The following TRAPPC3 variants were observed in gnomAD, a reference collection of about 807,000 sequenced individuals.
The protein encoded by TRAPPC3 is trafficking protein particle complex subunit 3.
Under a neutral mutation model 18.2 loss-of-function variants are expected in TRAPPC3, and 5 were observed. The ratio of observed to expected loss-of-function variants is 0.28; its 90% CI spans 0.14 to 0.58. TRAPPC3 has a LOEUF of 0.58. Ranked by LOEUF, TRAPPC3 falls within the 20% of genes least tolerant of loss-of-function variation. The probability of loss-of-function intolerance (pLI) is 0.91; values close to 1 mark genes in which losing one functional copy is unlikely to be tolerated. For missense variants in TRAPPC3, 176 were observed against 225.9 expected (o/e 0.78, Z 1.41); for synonymous variants, 65 against 84.2 (o/e 0.77, Z 1.25).
At chr1:36,137,579 TG>T in intron 4 of TRAPPC3, 1 of 642,354 alleles carries the variant, frequency 1.6e-6, no homozygotes, top group Non-Finnish European at 2.6e-6. Flanking sequence ...TCCTGGGCTT[TG>T]GGGACTGACA....
chr1:36,144,413 G>A (rs569608012), intron 1 of TRAPPC3, among the ~76,000 whole-genome samples: 2 of 152,098 alleles, frequency 1.3e-5, no homozygotes, highest in African/African-American at 2.4e-5. Flanking sequence ...GGGAGGCGGA[G>A]GCAGGGGTCG....
rs1386884681 is a variant in TRAPPC3 at position 36,140,136 on chromosome 1, C to A, written c.73G>T (p.Ala25Ser). ...TCCTTACATAGCTGGGTGACCAGGG[C>A]ACCATAGGTCAGGGTGAAGAGCTCA... ...SSELFTLTYGALVTQLCKDYE... is the reference protein window; with the variant it reads ...SSELFTLTYGSLVTQLCKDYE... Residue 25 changes from alanine (A) to serine (S), a missense_variant, in exon 2 of 5, where the codon GCC becomes TCC. This residue lies in a region of TRAPPC3 where 147 missense variants were observed against 164.3 expected (regional missense o/e 0.89). Coordinates refer to ENST00000373166, the MANE Select transcript of TRAPPC3 (RefSeq NM_014408.5). 1.2e-6 allele frequency: 2 copies of A among 1,603,768 alleles called. No homozygotes were observed. Among genetic ancestry groups the A allele is most frequent in the Non-Finnish European group, 1.7e-6 (2 of 1,177,054 alleles).
At chr1:36,139,064 A>AG (rs1644067401) in intron 3 of TRAPPC3, among the ~76,000 whole-genome samples, 1 of 151,948 alleles carries the variant, frequency 6.6e-6, no homozygotes, top group African/African-American at 2.4e-5. Context: ...AAAAAAAAAA[A>AG]AAGATGAGGT....
upstream of TRAPPC3, among the ~76,000 whole-genome samples, chr1:36,153,597 T>C (rs1164339459): frequency 6.6e-6 from 1 of 152,188 alleles, no homozygotes; most frequent in Non-Finnish European, 1.5e-5. Flanking sequence ...GAGAATTCCT[T>C]ATTGTGAGGA....
At position 36,139,877 on chromosome 1, in the gene TRAPPC3, A is replaced by G. The variant is rs2231312; in HGVS notation, c.141-58T>C. ...GAGTCTAAATGTCTTATGTTTGAACATAAGGTTGTTGGTGGTAAAGGGAAA... is the reference window on the plus strand; with the variant it reads ...GAGTCTAAATGTCTTATGTTTGAACGTAAGGTTGTTGGTGGTAAAGGGAAA... On this transcript the variant is annotated intron_variant, in intron 2 of 4. Transcript: ENST00000373166. 48,697 of 1,600,234 alleles carry G rather than the reference A, an allele frequency of 0.03. 4,970 individuals are homozygous for G. In the East Asian group the frequency reaches 0.31, roughly 10 times the overall value.
At chr1:36,153,594 C>G (rs2124182839), upstream of TRAPPC3, among the ~76,000 whole-genome samples, 1 of 152,310 alleles carries the variant, frequency 6.6e-6, no homozygotes, top group East Asian at 1.9e-4. Flanking sequence ...CCTGAGAATT[C>G]CTTATTGTGA....
At chr1:36,138,188 C>T (rs1557756833) in intron 3 of TRAPPC3, 1 of 1,550,134 alleles carries the variant, frequency 6.5e-7, no homozygotes, top group East Asian at 2.4e-5. Context: ...ACAGTTTTGC[C>T]TGTCGCTTTG....
chr1:36,147,307 A>G (rs1644215359), intron 1 of TRAPPC3, among the ~76,000 whole-genome samples: 1 of 152,186 alleles, frequency 6.6e-6, no homozygotes, highest in South Asian at 2.1e-4. Flanking sequence ...TAGGTGACAG[A>G]GCGAGACTCT....
chr1:36,152,078 G>C (rs530873460), upstream of TRAPPC3, among the ~76,000 whole-genome samples: 4 of 152,268 alleles, frequency 2.6e-5, no homozygotes, highest in South Asian at 8.3e-4. Context: ...TGCCCCCACT[G>C]TGAGGCCCCT....
At chr1:36,137,655 T>C in intron 4 of TRAPPC3, 141 bp downstream of exon 4, 2 of 895,614 alleles carry the variant, frequency 2.2e-6, no homozygotes, top group South Asian at 1.8e-5. Context: ...ACTTGGATCC[T>C]ACCTCAGCAG....
chr1:36,149,455 C>T lies in TRAPPC3; in HGVS notation c.-77G>A. 7.7e-6 allele frequency: 12 copies of T among 1,568,572 alleles called. No individual in the cohort carries two copies. In the South Asian group the frequency reaches 1.3e-4, roughly 16 times the overall value. ...CCTGCAGACGCCGGAGCCTAAGCCG[C>T]TGCCCCTCAGCCCACAAGACCGACC... On this transcript the variant is annotated 5_prime_UTR_variant, in exon 1 of 5. Coordinates refer to ENST00000373166, the MANE Select transcript of TRAPPC3 (RefSeq NM_014408.5).
chr1:36,142,430 C>T (rs2124153691), intron 1 of TRAPPC3, among the ~76,000 whole-genome samples: 1 of 152,242 alleles, frequency 6.6e-6, no homozygotes, highest in South Asian at 2.1e-4. Flanking sequence ...ATTAATGAGC[C>T]CTTGGATGGA....
chr1:36,143,483 G>A (rs1301433366), intron 1 of TRAPPC3, among the ~76,000 whole-genome samples: 2 of 152,116 alleles, frequency 1.3e-5, no homozygotes, highest in Admixed American at 1.3e-4. Context: ...GATAAGTGAC[G>A]GGAGGTTGCA....
chr1:36,149,051 AG>A, intron 1 of TRAPPC3: 1 of 1,271,006 alleles, frequency 7.9e-7, no homozygotes, highest in Non-Finnish European at 9.8e-7. Context: ...CCCAACACAT[AG>A]TAAGAGAGAA....
rs565959456 is a variant in TRAPPC3 at position 36,146,344 on chromosome 1, T to C, written c.42+2993A>G. ...TGGAGTCTCACTCTGTCACCCAGGC[T>C]GGAGTGCAGTGGTGCAATCTCAGCT... is the stretch of plus-strand genomic sequence containing the variant. On this transcript the variant is annotated intron_variant, in intron 1 of 4. Coordinates refer to ENST00000373166, the MANE Select transcript of TRAPPC3 (RefSeq NM_014408.5). Among the ~76,000 whole-genome samples the C allele has an allele frequency of 2.8e-3, 388 of 136,152 alleles. 3 individuals are homozygous for C. The highest frequency in any genetic ancestry group is 4.2e-3 in the Non-Finnish European group (266 of 62,818). The allele number at this position is 136,152 out of a possible 152,430, so 89.3% of individuals were successfully genotyped here.
At chr1:36,139,633 G>A (rs1244100095) in intron 3 of TRAPPC3, 87 bp downstream of exon 3, 1 of 1,545,856 alleles carries the variant, frequency 6.5e-7, no homozygotes, top group Middle Eastern at 1.7e-4. Context: ...GGAGATTAAA[G>A]GCCTCTCTAA....
rs1644250437 is a variant in TRAPPC3 at position 36,149,448 on chromosome 1, T to TAAGCCGCTGCCC, written c.-82_-71dup. ...GGCGACCCCTGCAGACGCCGGAGCC[T>TAAGCCGCTGCCC]AAGCCGCTGCCCCTCAGCCCACAAG... On this transcript the variant is annotated 5_prime_UTR_variant, in exon 1 of 5. Coordinates refer to ENST00000373166, the MANE Select transcript of TRAPPC3 (RefSeq NM_014408.5). 1.3e-6 allele frequency: 2 copies of TAAGCCGCTGCCC among 1,581,980 alleles called. No homozygotes were observed. The highest frequency in any genetic ancestry group is 1.7e-6 in the Non-Finnish European group (2 of 1,162,542).
chr1:36,137,120 T>C lies in TRAPPC3; in HGVS notation c.*83A>G. 1 of 1,487,648 alleles carries C rather than the reference T, an allele frequency of 6.7e-7. No homozygotes were observed. The highest frequency in any genetic ancestry group is 9.2e-7 in the Non-Finnish European group (1 of 1,086,352). The allele number at this position is 1,487,648 out of a possible 1,614,324, so 92.2% of individuals were successfully genotyped here. ...TATAACATCCATGTTCAAGAGTCACTGAGTTCTGGAGGGCAGAGGGAGCAC... is the reference window on the plus strand; with the variant it reads ...TATAACATCCATGTTCAAGAGTCACCGAGTTCTGGAGGGCAGAGGGAGCAC... On this transcript the variant is annotated 3_prime_UTR_variant, in exon 5 of 5. Coordinates refer to ENST00000373166, the MANE Select transcript of TRAPPC3 (RefSeq NM_014408.5).
At chr1:36,137,676 T>G (rs546469348) in intron 4 of TRAPPC3, 120 bp downstream of exon 4, 1 of 1,040,452 alleles carries the variant, frequency 9.6e-7, no homozygotes, top group East Asian at 2.5e-5. Context: ...CATCACCATC[T>G]CAGGCAGTAA....
Sources: gnomAD v4.1 joint callset for allele counts (sites outside exome capture counted in the v4.1 genomes callset) on GRCh38, gnomAD v4.1.1 for gene constraint, gnomAD v4.1.1 regional missense constraint, MANE v1.5 for transcripts, NCBI Gene and HGNC (gene_info 2026-07-23, HGNC 2026-07-21) for gene names.